Variants in FABP7 observed in about 807,000 individuals in gnomAD.
FABP7 encodes the protein fatty acid-binding protein, brain.
FABP7 carries 13 observed loss-of-function variants against 14.2 expected under a neutral mutation model. The observed-to-expected ratio is 0.91, with a 90% CI of 0.59 to 1.45. The LOEUF is 1.45. Ranked by LOEUF, FABP7 falls within the 40% of genes most tolerant of loss-of-function variation. The pLI is 0.00. For missense variants in FABP7, 149 were observed against 157.6 expected, an observed-to-expected ratio of 0.95 and a Z score of 0.29; for synonymous variants, 49 against 51.4, an observed-to-expected ratio of 0.95 and a Z score of 0.20.
At chr6:122,772,569 C>T in the FABP7 span, among the ~76,000 whole-genome samples, 33,154 of 152,006 alleles carry the variant, frequency 0.22, 4,882 homozygotes, top group Non-Finnish European at 0.33. Context: ...AGGCATGTGC[C>T]ACCACATCCC....
At chr6:122,769,019 G>A in the FABP7 span, among the ~76,000 whole-genome samples, 4 of 152,122 alleles carry the variant, frequency 2.6e-5, no homozygotes, top group Non-Finnish European at 5.9e-5. Context: ...AATGCCTCCT[G>A]TCTGGTGGTT....
the FABP7 span, among the ~76,000 whole-genome samples, chr6:122,756,141 A>G: frequency 6.6e-6 from 1 of 152,158 alleles, no homozygotes; most frequent in Non-Finnish European, 1.5e-5. Context: ...TGGAGACATG[A>G]GTAAACAAGC....
chr6:122,781,253 A>ACCTCCTTCCTTCTTCTTCCCT lies in FABP7; in HGVS notation c.348+69_348+89dup, dbSNP rs564099138. The ACCTCCTTCCTTCTTCTTCCCT allele has an allele frequency of 3.2e-4, 497 of 1,576,502 alleles. 1 individual carries two copies. The African/African-American group carries it at 5.7e-3, about 18-fold the overall frequency. On this transcript the variant is annotated intron_variant, in intron 3 of 3. Transcript: ENST00000368444. The stretch of plus-strand genomic sequence containing the variant: ...TTTTTCTCCTCTCCGCACACCTCTC[A>ACCTCCTTCCTTCTTCTTCCCT]CCTCCTTCCTTCTTCTTCCCTCCTC...
the FABP7 span, among the ~76,000 whole-genome samples, chr6:122,765,107 A>G: frequency 6.6e-6 from 1 of 152,170 alleles, no homozygotes; most frequent in Non-Finnish European, 1.5e-5. Context: ...AATGAGTCTC[A>G]GCTTTTTCAA....
the FABP7 span, among the ~76,000 whole-genome samples, chr6:122,763,173 A>T: frequency 6.6e-5 from 10 of 152,218 alleles, no homozygotes; most frequent in Admixed American, 4.6e-4. Flanking sequence ...ACAGCATGGT[A>T]CTGGTACCAA....
At chr6:122,770,301 G>T in the FABP7 span, among the ~76,000 whole-genome samples, 1 of 151,940 alleles carries the variant, frequency 6.6e-6, no homozygotes, top group Non-Finnish European at 1.5e-5. Context: ...AGCTTTTCAT[G>T]TTAACATTGG....
the FABP7 span, among the ~76,000 whole-genome samples, chr6:122,773,428 T>A: frequency 3.9e-5 from 6 of 152,328 alleles, no homozygotes; most frequent in East Asian, 1.9e-4. Context: ...CTTTCTTTTT[T>A]AAATCTATAC....
chr6:122,774,382 AAAAAGACAGAG>A, the FABP7 span, among the ~76,000 whole-genome samples: 240 of 36,456 alleles, frequency 6.6e-3, 1 homozygote, highest in Non-Finnish European at 0.028. Flanking sequence ...AAAAAAAAAA[AAAAAGACAGAG>A]AGAGAGAGAA....
At chr6:122,760,193 C>T in the FABP7 span, among the ~76,000 whole-genome samples, 3 of 152,094 alleles carry the variant, frequency 2.0e-5, no homozygotes, top group Non-Finnish European at 2.9e-5. Context: ...CCCAAGTATT[C>T]AAAGAGTCAG....
At chr6:122,766,886 A>G in the FABP7 span, among the ~76,000 whole-genome samples, 5 of 152,192 alleles carry the variant, frequency 3.3e-5, no homozygotes, top group African/African-American at 1.2e-4. Context: ...ATATTCTACA[A>G]ATTGTTACAA....
chr6:122,768,356 T>G, the FABP7 span, among the ~76,000 whole-genome samples: 2 of 152,154 alleles, frequency 1.3e-5, no homozygotes, highest in Non-Finnish European at 2.9e-5. Flanking sequence ...TCAAACTATG[T>G]GCCCAAAATA....
upstream of FABP7, among the ~76,000 whole-genome samples, chr6:122,778,667 A>G (rs150206171): frequency 2.9e-3 from 449 of 152,242 alleles, 3 homozygotes; most frequent in African/African-American, 0.011. Context: ...TAAATACTCT[A>G]CTTAGAACCC....
At position 122,783,765 on chromosome 6, in the gene FABP7, TA is replaced by T; in HGVS notation, c.*3del. ...VVAVRHYEKA[*>X] ...TGCTGTTCGCCACTATGAGAAGGCA[TA>T]AAAATGTTCCTGGTCGGGGCTTGGA... On this transcript the variant is annotated frameshift_variant and stop_lost, in exon 4 of 4. Coordinates refer to ENST00000368444, the MANE Select transcript of FABP7 (RefSeq NM_001446.5). LOFTEE classifies it high-confidence loss of function. 1 of 1,609,606 alleles carries T rather than the reference TA, an allele frequency of 6.2e-7. No homozygotes were observed. Among genetic ancestry groups the T allele is most frequent in the Admixed American group, 1.7e-5 (1 of 58,962 alleles).
the FABP7 span, among the ~76,000 whole-genome samples, chr6:122,757,792 G>A: frequency 3.9e-5 from 6 of 152,118 alleles, no homozygotes; most frequent in Non-Finnish European, 8.8e-5. Context: ...TAGGGGAGGT[G>A]CATGCGTTCC....
At chr6:122,768,435 T>TG in the FABP7 span, among the ~76,000 whole-genome samples, 2 of 152,182 alleles carry the variant, frequency 1.3e-5, no homozygotes, top group Non-Finnish European at 2.9e-5. Flanking sequence ...TTTATGAAGA[T>TG]TACATTGGTA....
the FABP7 span, among the ~76,000 whole-genome samples, chr6:122,771,415 C>T: frequency 2.6e-5 from 4 of 152,092 alleles, no homozygotes; most frequent in Non-Finnish European, 4.4e-5. Context: ...AATCATTGCT[C>T]AATGTACACA....
the FABP7 span, among the ~76,000 whole-genome samples, chr6:122,758,252 C>T: frequency 2.6e-5 from 4 of 152,122 alleles, no homozygotes; most frequent in East Asian, 7.7e-4. Flanking sequence ...GGATTACAGG[C>T]ATGTGTCACC....
the FABP7 span, among the ~76,000 whole-genome samples, chr6:122,769,805 T>A: frequency 1.3e-5 from 2 of 152,080 alleles, no homozygotes; most frequent in African/African-American, 4.8e-5. Flanking sequence ...AATAGTGTAA[T>A]CCTAATGGTT....
At chr6:122,780,943 A>G in intron 2 of FABP7, 150 bp from the exon 3 acceptor site, 1 of 946,162 alleles carries the variant, frequency 1.1e-6, no homozygotes, top group Non-Finnish European at 1.5e-6. Flanking sequence ...TACATAATAG[A>G]AAATCTAGAA....
Sources: gnomAD v4.1 joint callset for allele counts (sites outside exome capture counted in the v4.1 genomes callset) on GRCh38, gnomAD v4.1.1 for gene constraint, MANE v1.5 for transcripts, NCBI Gene and HGNC (gene_info 2026-07-23, HGNC 2026-07-21) for gene names.